GLT8D2: variants seen among roughly 807,000 people sequenced by gnomAD.
GLT8D2 encodes glycosyltransferase 8 domain containing 2.
Under a neutral mutation model 44.5 loss-of-function variants are expected in GLT8D2, and 45 were observed. The ratio of observed to expected loss-of-function variants is 1.01; its 90% CI spans 0.80 to 1.30. GLT8D2 has a LOEUF of 1.30. Among genes scored for constraint, GLT8D2 ranks in the 50% most tolerant of loss-of-function variants. The probability of loss-of-function intolerance (pLI) is 0.00; values close to 1 mark genes in which losing one functional copy is unlikely to be tolerated. For synonymous variants in GLT8D2, 156 were observed against 157.2 expected, an observed-to-expected ratio of 0.99 and a Z score of 0.06; for missense variants, 400 against 430.4, an observed-to-expected ratio of 0.93 and a Z score of 0.62.
chr12:104,010,257 C>T (rs960527597), intron 4 of GLT8D2, among the ~76,000 whole-genome samples: 1 of 152,196 alleles, frequency 6.6e-6, no homozygotes, highest in African/African-American at 2.4e-5. Context: ...AGCCTCACCT[C>T]CTTCTATTTT....
intron 1 of GLT8D2, among the ~76,000 whole-genome samples, chr12:104,042,360 C>CT (rs1880654557): frequency 6.6e-6 from 1 of 152,196 alleles, no homozygotes; most frequent in Admixed American, 6.5e-5. Flanking sequence ...ATGGTCAGCT[C>CT]TTATGTCATC....
intron 1 of GLT8D2, among the ~76,000 whole-genome samples, chr12:104,026,065 G>A (rs889047115): frequency 1.3e-5 from 2 of 152,038 alleles, no homozygotes; most frequent in South Asian, 4.2e-4. Flanking sequence ...GATCACTTCA[G>A]GCCAGGAATG....
rs1348407378 is a variant in GLT8D2 at position 104,031,575 on chromosome 12, C to A, written c.-163-10084G>T. On this transcript the variant is annotated intron_variant, in intron 1 of 10. Transcript: ENST00000360814. ...GCGGGGAAGATACTGTCCCCAGGAG[C>A]ACCCTCCCTGCCCATCTTGTCCCTC... 7 of 1,610,332 alleles carry A rather than the reference C, an allele frequency of 4.3e-6. No homozygotes were observed. In the African/African-American group the frequency reaches 9.4e-5, roughly 22 times the overall value.
chr12:104,019,862 C>G (rs141273240), intron 2 of GLT8D2, among the ~76,000 whole-genome samples, 186 bp from the exon 3 acceptor site: 2 of 152,262 alleles, frequency 1.3e-5, no homozygotes, highest in African/African-American at 4.8e-5. Flanking sequence ...AAAGCAATGC[C>G]TCTGGTTGAA....
intron 1 of GLT8D2, among the ~76,000 whole-genome samples, chr12:104,061,578 G>A (rs1251640209): frequency 6.6e-6 from 1 of 152,112 alleles, no homozygotes; most frequent in African/African-American, 2.4e-5. Context: ...CCTATGTTAT[G>A]TATGTGACAT....
At chr12:104,046,498 C>T (rs1881163898) in intron 1 of GLT8D2, among the ~76,000 whole-genome samples, 1 of 152,178 alleles carries the variant, frequency 6.6e-6, no homozygotes, top group African/African-American at 2.4e-5. Flanking sequence ...TCTTAACCAC[C>T]TTGATAGTTA....
chr12:104,052,049 G>T (rs1471833777), upstream of GLT8D2, among the ~76,000 whole-genome samples: 1 of 152,136 alleles, frequency 6.6e-6, no homozygotes. Flanking sequence ...CACGAGTCCA[G>T]GTTGGTCCAA....
intron 8 of GLT8D2, among the ~76,000 whole-genome samples, chr12:103,994,899 T>C (rs182614701): frequency 2.6e-5 from 4 of 152,278 alleles, no homozygotes; most frequent in South Asian, 4.1e-4. Flanking sequence ...ATCCCAATCC[T>C]ATCCCAAACC....
At chr12:104,046,956 C>G (rs942340399) in intron 1 of GLT8D2, among the ~76,000 whole-genome samples, 4 of 152,022 alleles carry the variant, frequency 2.6e-5, no homozygotes, top group Admixed American at 2.6e-4. Context: ...TCCCAAATAG[C>G]TGGGACAATA....
chr12:104,005,502 C>T (rs190511433), intron 4 of GLT8D2, among the ~76,000 whole-genome samples: 48 of 152,234 alleles, frequency 3.2e-4, no homozygotes, highest in Admixed American at 1.2e-3. Context: ...GGGCTAATAG[C>T]CAGAATCGAC....
chr12:103,995,891 T>C (rs1033921630), intron 8 of GLT8D2, among the ~76,000 whole-genome samples: 26 of 152,334 alleles, frequency 1.7e-4, no homozygotes, highest in Non-Finnish European at 1.0e-4. Context: ...ATTACTCTCA[T>C]GTAATAGCTT....
intron 4 of GLT8D2, among the ~76,000 whole-genome samples, chr12:104,014,765 G>A (rs898868137): frequency 4.6e-5 from 7 of 152,258 alleles, no homozygotes; most frequent in Non-Finnish European, 7.4e-5. Context: ...TACACCTCAC[G>A]GGTGGGCCCA....
chr12:104,019,597 T>C, intron 3 of GLT8D2, 33 bp downstream of exon 3: 2 of 1,563,030 alleles, frequency 1.3e-6, no homozygotes, highest in South Asian at 2.3e-5. Flanking sequence ...AAATATGTTT[T>C]TAAATCATTA....
At chr12:104,040,139 G>A (rs528091795) in intron 1 of GLT8D2, among the ~76,000 whole-genome samples, 49 of 152,272 alleles carry the variant, frequency 3.2e-4, no homozygotes, top group African/African-American at 1.1e-3. Context: ...AGACACCAGG[G>A]CCTGTCATGG....
intron 10 of GLT8D2, among the ~76,000 whole-genome samples, chr12:103,990,939 T>C (rs934235235): frequency 2.0e-5 from 3 of 152,224 alleles, no homozygotes; most frequent in Non-Finnish European, 4.4e-5. Context: ...ATATATTTTG[T>C]AAATTTAAAA....
In GLT8D2 at chr12:104,003,296, G is replaced by C. The variant is rs200622302; in HGVS notation, c.123C>G (p.Ser41=). 6.2e-7 allele frequency: 1 copy of C among 1,613,858 alleles called. No homozygotes were observed. Among genetic ancestry groups the C allele is most frequent in the Non-Finnish European group, 8.5e-7 (1 of 1,179,920 alleles). Residue 41 remains serine (S), a synonymous_variant, in exon 5 of 11, where the codon TCC becomes TCG. Transcript: ENST00000360814. The part of the protein sequence containing the change: ...TVPKNDADDE[S]ETPEELEEEI... ...CTTCTTCCAGTTCTTCAGGAGTCTC[G>C]GATTCATCATCTGGAAACATAAAAA...
At chr12:104,054,372 A>G (rs2136534369), upstream of GLT8D2, among the ~76,000 whole-genome samples, 1 of 152,224 alleles carries the variant, frequency 6.6e-6, no homozygotes, top group South Asian at 2.1e-4. Context: ...ATAATATTCT[A>G]TTGCATATAT....
intron 2 of GLT8D2, among the ~76,000 whole-genome samples, chr12:104,020,504 C>A (rs1026733422): frequency 3.9e-5 from 6 of 152,170 alleles, no homozygotes; most frequent in Admixed American, 3.9e-4. Flanking sequence ...CAGTGATGCA[C>A]CGAAAAACAA....
At chr12:104,039,317 C>A (rs913840050) in intron 1 of GLT8D2, among the ~76,000 whole-genome samples, 45 of 152,284 alleles carry the variant, frequency 3.0e-4, no homozygotes, top group African/African-American at 1.0e-3. Flanking sequence ...AACTAAAGAG[C>A]TTCTGCACAG....
Sources: gnomAD v4.1 joint callset for allele counts (sites outside exome capture counted in the v4.1 genomes callset) on GRCh38, gnomAD v4.1.1 for gene constraint, MANE v1.5 for transcripts, NCBI Gene and HGNC (gene_info 2026-07-23, HGNC 2026-07-21) for gene names.